PPP2R2A: variants seen among roughly 807,000 people sequenced by gnomAD.
PPP2R2A encodes serine/threonine-protein phosphatase 2A 55 kDa regulatory subunit B alpha isoform.
PPP2R2A carries 9 observed loss-of-function variants against 53.2 expected under a neutral mutation model. That is an observed-to-expected ratio of 0.17 (90% CI 0.10 to 0.30). PPP2R2A has a LOEUF of 0.30. PPP2R2A is among the 10% of genes least tolerant of loss of function. PPP2R2A has a pLI of 1.00. For synonymous variants in PPP2R2A, 169 were observed against 174.2 expected, an observed-to-expected ratio of 0.97 and a Z score of 0.23; for missense variants, 235 against 534.6, an observed-to-expected ratio of 0.44 and a Z score of 5.53.
rs2117382241 is a variant in PPP2R2A, at chr8:26,354,951, T to A, written c.346+318T>A. Reference sequence around the variant, plus strand: ...CTTGGGCAGGTTACTAACACTGAATTGAATTTTCCTCAGCAGCAAACTAGA... The same window carrying A: ...CTTGGGCAGGTTACTAACACTGAATAGAATTTTCCTCAGCAGCAAACTAGA... On this transcript the variant is annotated intron_variant, in intron 4 of 9. Transcript: ENST00000380737. The surrounding 1 kb of genome is among the most constrained non-coding windows in gnomAD (Gnocchi z 4.6). 6.6e-6 allele frequency among the ~76,000 whole-genome samples: 1 copy of A among 152,332 alleles called. No individual in the cohort carries two copies. The highest frequency in any genetic ancestry group is 2.1e-4 in the South Asian group (1 of 4,834).
Position 26,302,852 on chromosome 8 carries a change from A to G in PPP2R2A, c.82+9112A>G, listed in dbSNP as rs145585282. ...GGGGGATGTAGTCATTTTTCATAAC[A>G]TTTTTGTTAATGTGTGAGGTTTATT... On this transcript the variant is annotated intron_variant, in intron 2 of 9. Coordinates refer to ENST00000380737, the MANE Select transcript of PPP2R2A (RefSeq NM_002717.4). Among the ~76,000 whole-genome samples the G allele has an allele frequency of 3.6e-3, 543 of 152,268 alleles. 1 individual carries two copies. Among genetic ancestry groups the G allele is most frequent in the Non-Finnish European group, 6.0e-3 (408 of 68,010 alleles).
intron 3 of PPP2R2A, among the ~76,000 whole-genome samples, chr8:26,343,821 AAGAATTGCTAAT>A (rs1804072764): frequency 1.3e-5 from 2 of 152,210 alleles, no homozygotes; most frequent in South Asian, 4.1e-4. Flanking sequence ...ACAGAGTCAC[AAGAATTGCTAAT>A]ACTATATGCA....
intron 3 of PPP2R2A, among the ~76,000 whole-genome samples, chr8:26,339,636 C>G (rs192812199): frequency 6.6e-6 from 1 of 152,186 alleles, no homozygotes; most frequent in Admixed American, 6.5e-5. Flanking sequence ...AAATTTTTTG[C>G]TAAACAAAAT....
Position 26,324,709 on chromosome 8 carries a change from A to C in PPP2R2A, c.83-14181A>C, listed in dbSNP as rs1803003340. On this transcript the variant is annotated intron_variant, in intron 2 of 9. Coordinates refer to ENST00000380737, the MANE Select transcript of PPP2R2A (RefSeq NM_002717.4). ...AATGGTAGATCCACCGACAGCTTGC[A>C]CCATGCCCCGGGAAAAGCTGCAGAC... Among the ~76,000 whole-genome samples, 3 of 152,144 alleles carry C rather than the reference A, an allele frequency of 2.0e-5. 1 individual carries two copies. The South Asian group carries it at 6.2e-4, about 32-fold the overall frequency.
intron 3 of PPP2R2A, among the ~76,000 whole-genome samples, chr8:26,349,872 T>G (rs935492843): frequency 1.3e-5 from 2 of 152,186 alleles, no homozygotes; most frequent in Non-Finnish European, 1.5e-5. Flanking sequence ...CAATCATGAG[T>G]AGAAATATTA....
In PPP2R2A at chr8:26,291,841, C is replaced by G; in HGVS notation, c.7+15C>G. ...CAACATGGCAGGTAAAGGAGAAATC[C>G]CCCTCGCCCCCTGACAAGGCACCGC... On this transcript the variant is annotated intron_variant, in intron 1 of 9. Coordinates refer to ENST00000380737, the MANE Select transcript of PPP2R2A (RefSeq NM_002717.4). 1 of 1,608,600 alleles carries G rather than the reference C, an allele frequency of 6.2e-7. No homozygotes were observed. The highest frequency in any genetic ancestry group is 1.1e-5 in the South Asian group (1 of 90,260).
intron 2 of PPP2R2A, among the ~76,000 whole-genome samples, chr8:26,304,532 T>C (rs1398749058): frequency 6.6e-6 from 1 of 152,226 alleles, no homozygotes; most frequent in Admixed American, 6.5e-5. Flanking sequence ...CATTGCAGGC[T>C]CATTGTAGGT....
intron 8 of PPP2R2A, among the ~76,000 whole-genome samples, chr8:26,364,368 T>C (rs1211506963): frequency 1.3e-5 from 2 of 152,246 alleles, no homozygotes; most frequent in Non-Finnish European, 2.9e-5. Context: ...AGAAAGGGCT[T>C]GAAAGCCTTA....
intron 3 of PPP2R2A, among the ~76,000 whole-genome samples, chr8:26,352,531 G>GA (rs1804571875): frequency 6.6e-6 from 1 of 152,216 alleles, no homozygotes. Flanking sequence ...AGTTTCAGGA[G>GA]AGAGGGGAGG....
intron 2 of PPP2R2A, among the ~76,000 whole-genome samples, chr8:26,311,159 T>C (rs1802274701): frequency 6.6e-6 from 1 of 152,226 alleles, no homozygotes; most frequent in Non-Finnish European, 1.5e-5. Flanking sequence ...TACTTGTCTT[T>C]TTATTTAGAG....
intron 2 of PPP2R2A, among the ~76,000 whole-genome samples, chr8:26,296,747 AG>A (rs1168267047): frequency 3.3e-5 from 5 of 152,200 alleles, no homozygotes. Flanking sequence ...TATTGTTCTT[AG>A]GTTTTGAAAG....
At chr8:26,309,754 G>GGA (rs922034682) in intron 2 of PPP2R2A, among the ~76,000 whole-genome samples, 2 of 152,114 alleles carry the variant, frequency 1.3e-5, no homozygotes, top group Admixed American at 1.3e-4. Flanking sequence ...GCCCAAGGAG[G>GGA]GAGAGAGAGA....
chr8:26,311,255 CAATTAACAG>C (rs1802278904), intron 2 of PPP2R2A, among the ~76,000 whole-genome samples: 1 of 152,082 alleles, frequency 6.6e-6, no homozygotes, highest in African/African-American at 2.4e-5. Context: ...ATCTGATACC[CAATTAACAG>C]AATTAACAGT....
intron 2 of PPP2R2A, among the ~76,000 whole-genome samples, chr8:26,318,548 A>G (rs891360240): frequency 6.6e-6 from 1 of 152,250 alleles, no homozygotes; most frequent in Non-Finnish European, 1.5e-5. Flanking sequence ...AGGAATTCAT[A>G]TGATGCTCTT....
intron 4 of PPP2R2A, among the ~76,000 whole-genome samples, chr8:26,358,487 AAAT>A (rs147843194): frequency 0.031 from 4,683 of 152,314 alleles, 84 homozygotes; most frequent in Middle Eastern, 0.068. Context: ...GGCTTAGAAG[AAAT>A]AATAGATTAC....
chr8:26,293,231 C>G (rs1231897274), intron 1 of PPP2R2A: 15 of 1,535,618 alleles, frequency 9.8e-6, no homozygotes, highest in Non-Finnish European at 1.3e-5. Context: ...AATCATTACT[C>G]CTTACCCAGG....
At chr8:26,312,640 C>T (rs942887308) in intron 2 of PPP2R2A, among the ~76,000 whole-genome samples, 2 of 152,182 alleles carry the variant, frequency 1.3e-5, no homozygotes, top group Non-Finnish European at 2.9e-5. Context: ...TACTGCAACA[C>T]GTTAGCCATC....
At chr8:26,328,840 A>G (rs953366510) in intron 2 of PPP2R2A, among the ~76,000 whole-genome samples, 5 of 152,224 alleles carry the variant, frequency 3.3e-5, no homozygotes, top group African/African-American at 1.2e-4. Flanking sequence ...AGATTAAGGA[A>G]TGAAGTTAAT....
intron 3 of PPP2R2A, among the ~76,000 whole-genome samples, chr8:26,352,464 A>T (rs1804567814): frequency 6.6e-6 from 1 of 152,170 alleles, no homozygotes; most frequent in East Asian, 1.9e-4. Context: ...CATTTCTGCC[A>T]TTACTCTTTG....
Sources: gnomAD v4.1 joint callset for allele counts (sites outside exome capture counted in the v4.1 genomes callset) on GRCh38, gnomAD v4.1.1 for gene constraint, Gnocchi (gnomAD v3.1) non-coding constraint, MANE v1.5 for transcripts, NCBI Gene and HGNC (gene_info 2026-07-23, HGNC 2026-07-21) for gene names.